The following DYNC2I1 variants were observed in gnomAD, a reference collection of about 807,000 sequenced individuals.
DYNC2I1 encodes cytoplasmic dynein 2 intermediate chain 1.
Under a neutral mutation model 133.4 loss-of-function variants are expected in DYNC2I1, and 89 were observed. The ratio of observed to expected loss-of-function variants is 0.67; its 90% confidence interval spans 0.56 to 0.80. The LOEUF is 0.80. DYNC2I1 is among the 30% of genes least tolerant of loss of function. DYNC2I1 has a pLI of 0.00. For missense variants in DYNC2I1, 1,291 were observed against 1,314.5 expected, an observed-to-expected ratio of 0.98 and a Z score of 0.28; for synonymous variants, 504 against 484.3, an observed-to-expected ratio of 1.04 and a Z score of -0.54.
rs1851745542 is a variant in DYNC2I1 at position 158,945,101 on chromosome 7, T to C, written c.3003-480T>C. On this transcript the variant is annotated intron_variant, in intron 24 of 24. Transcript: ENST00000407559. The surrounding 1 kb of genome is among the most constrained non-coding windows in gnomAD (Gnocchi z 4.1). ...GACAGGGTGGCCACAGGTCTCGTGT[T>C]GGGCACTGGGTGGATGATGGAGGTG... 6.6e-6 allele frequency among the ~76,000 whole-genome samples: 1 copy of C among 152,046 alleles called. No individual in the cohort carries two copies. The highest frequency in any genetic ancestry group is 2.4e-5 in the African/African-American group (1 of 41,408).
rs763842213 is a variant in DYNC2I1 at position 158,923,707 on chromosome 7, C to T, written c.2231C>T (p.Thr744Met). The T allele has an allele frequency of 8.7e-6, 14 of 1,612,088 alleles. No individual in the cohort carries two copies. Among genetic ancestry groups the T allele is most frequent in the Middle Eastern group, 1.6e-4 (1 of 6,072 alleles). Residue 744 changes from threonine (T) to methionine (M), a missense_variant, in exon 17 of 25, where the codon ACG becomes ATG. Coordinates refer to ENST00000407559, the MANE Select transcript of DYNC2I1 (RefSeq NM_018051.5). ...GTGACGCTGAGCGATGGCTTCTGGA[C>T]GTTCCGGACCGCCACGTTTTCCACC... The part of the protein sequence containing the change: ...YSVTLSDGFW[T>M]FRTATFSTDG...
intron 5 of DYNC2I1, among the ~76,000 whole-genome samples, chr7:158,880,957 A>C (rs907036592): frequency 6.6e-6 from 1 of 152,168 alleles, no homozygotes; most frequent in African/African-American, 2.4e-5. Context: ...ACCTTCAGGG[A>C]TGAGACTGGA....
At chr7:158,935,772 A>G (rs1403949151) in intron 23 of DYNC2I1, among the ~76,000 whole-genome samples, 1 of 152,194 alleles carries the variant, frequency 6.6e-6, no homozygotes, top group Non-Finnish European at 1.5e-5. Flanking sequence ...AAGAATGTAA[A>G]ATGTCTCTTT....
chr7:158,922,601 A>T, intron 16 of DYNC2I1, 52 bp downstream of exon 16: 1 of 1,564,652 alleles, frequency 6.4e-7, no homozygotes. Flanking sequence ...GGCAGTGGAC[A>T]GAGCGTGAAG....
chr7:158,906,168 G>T lies in DYNC2I1; in HGVS notation c.1460+77G>T. On this transcript the variant is annotated intron_variant, in intron 11 of 24. Coordinates refer to ENST00000407559, the MANE Select transcript of DYNC2I1 (RefSeq NM_018051.5). ...TTCTTTCACATACTTTTAAAAAATC[G>T]AGTTTTAAAATGCATTTTTACTACT... The T allele has an allele frequency of 7.4e-6, 10 of 1,347,422 alleles. No homozygotes were observed. In the South Asian group the frequency reaches 1.3e-4, roughly 18 times the overall value. The allele number at this position is 1,347,422 out of a possible 1,614,324, so 83.5% of individuals were successfully genotyped here.
At chr7:158,871,106 C>A in intron 2 of DYNC2I1, 36 bp from the exon 3 acceptor site, 1 of 1,573,320 alleles carries the variant, frequency 6.4e-7, no homozygotes, top group South Asian at 1.2e-5. Flanking sequence ...AATCTGCCTT[C>A]CTGGTCACGG....
At chr7:158,927,222 C>G (rs539715822) in intron 20 of DYNC2I1, among the ~76,000 whole-genome samples, 179 bp downstream of exon 20, 18 of 151,792 alleles carry the variant, frequency 1.2e-4, no homozygotes, top group African/African-American at 4.1e-4. Flanking sequence ...GACAACATAG[C>G]AAGACCCCGT....
intron 11 of DYNC2I1, among the ~76,000 whole-genome samples, chr7:158,908,799 T>TA (rs1161726345): frequency 6.6e-6 from 1 of 152,116 alleles, no homozygotes; most frequent in Non-Finnish European, 1.5e-5. Context: ...CCACAGGAAA[T>TA]ACCTGTCGGT....
chr7:158,865,590 C>T (rs1184634829), intron 1 of DYNC2I1, among the ~76,000 whole-genome samples: 3 of 152,134 alleles, frequency 2.0e-5, no homozygotes, highest in African/African-American at 4.8e-5. Context: ...TCCACTAGTG[C>T]GTGGGCTGAA....
chr7:158,890,394 A>T (rs1023451288), intron 7 of DYNC2I1, among the ~76,000 whole-genome samples: 3 of 152,044 alleles, frequency 2.0e-5, no homozygotes, highest in African/African-American at 7.2e-5. Flanking sequence ...TGTATCTAAC[A>T]GCTTGTTTTG....
At chr7:158,856,861 G>T in intron 1 of DYNC2I1, 111 bp downstream of exon 1, 1 of 1,177,274 alleles carries the variant, frequency 8.5e-7, no homozygotes, top group Non-Finnish European at 1.1e-6. Context: ...TCTCTCGGCC[G>T]GGCCGGGGCT....
intron 11 of DYNC2I1, among the ~76,000 whole-genome samples, chr7:158,906,792 C>G (rs891190038): frequency 6.6e-6 from 1 of 152,188 alleles, no homozygotes; most frequent in African/African-American, 2.4e-5. Flanking sequence ...GATTTAAAAT[C>G]TCTTATCACC....
At chr7:158,859,155 C>G (rs1187693706) in intron 1 of DYNC2I1, among the ~76,000 whole-genome samples, 1 of 150,154 alleles carries the variant, frequency 6.7e-6, no homozygotes, top group South Asian at 2.2e-4. Context: ...GCTACCATGC[C>G]TGGCCTGTCG....
At chr7:158,952,484 TG>T (rs1390486485) in intron 4 of DYNC2I1, among the ~76,000 whole-genome samples, 1 of 152,152 alleles carries the variant, frequency 6.6e-6, no homozygotes, top group Non-Finnish European at 1.5e-5. Context: ...CAATGCCAGT[TG>T]GATTTTTTGC....
At position 158,856,584 on chromosome 7, in the gene DYNC2I1, A is replaced by G. The variant is rs1841244579; in HGVS notation, c.-152A>G. 4 of 738,818 alleles carry G rather than the reference A, an allele frequency of 5.4e-6. No individual in the cohort carries two copies. Among genetic ancestry groups the G allele is most frequent in the South Asian group, 7.1e-5 (1 of 14,028 alleles). 45.8% of individuals were successfully genotyped at this position (738,818 alleles called of 1,614,324 possible). A position where few individuals can be genotyped will look rare whatever the true frequency, so the allele number is the denominator to read the frequency against. On this transcript the variant is annotated 5_prime_UTR_variant, in exon 1 of 25. Transcript: ENST00000407559. ...GGAGAGGCCGCAGGGCACGCTGGGC[A>G]GTGCTTCTGGGCCCTCTGCTGCTCC...
chr7:158,941,530 C>G (rs993159866), intron 23 of DYNC2I1, among the ~76,000 whole-genome samples: 1 of 152,096 alleles, frequency 6.6e-6, no homozygotes, highest in Non-Finnish European at 1.5e-5. Context: ...GCAGTACAAA[C>G]TAAAGCAAGC....
intron 8 of DYNC2I1, among the ~76,000 whole-genome samples, chr7:158,899,352 G>A (rs765879065): frequency 2.6e-5 from 4 of 152,094 alleles, no homozygotes; most frequent in East Asian, 1.9e-4. Flanking sequence ...ACACACACAC[G>A]GATAAATACC....
intron 7 of DYNC2I1, among the ~76,000 whole-genome samples, chr7:158,890,893 G>A (rs55924523): frequency 0.37 from 56,740 of 152,044 alleles, 12,727 homozygotes; most frequent in Non-Finnish European, 0.5. Flanking sequence ...ACTTCTAAGT[G>A]CATAGATCTT....
At chr7:158,899,440 G>GA (rs1846036890) in intron 8 of DYNC2I1, among the ~76,000 whole-genome samples, 1 of 152,152 alleles carries the variant, frequency 6.6e-6, no homozygotes, top group African/African-American at 2.4e-5. Context: ...TTAAGGAAAA[G>GA]AAAAGGAAGA....
Sources: allele counts gnomAD v4.1 joint callset (sites outside exome capture counted in the v4.1 genomes callset), GRCh38; gene constraint gnomAD v4.1.1; non-coding constraint Gnocchi (gnomAD v3.1); transcripts MANE v1.5; gene names NCBI Gene and HGNC (gene_info 2026-07-23, HGNC 2026-07-21).